Variants in MYMK observed in about 807,000 individuals in gnomAD.
MYMK encodes protein myomaker.
A neutral mutation model predicts 22.4 loss-of-function variants in MYMK; 16 were observed. That is an observed-to-expected ratio of 0.72 (90% confidence interval 0.48 to 1.09). The LOEUF (loss-of-function observed/expected upper bound fraction) is 1.09, where lower values mean the gene tolerates loss of function less well. MYMK is among the 50% of genes least tolerant of loss of function. MYMK has a pLI of 0.00. For synonymous variants in MYMK, 125 were observed against 127.0 expected (o/e 0.98, Z 0.11); for missense variants, 250 against 295.6 (o/e 0.85, Z 1.13).
chr9:133,520,282 G>A lies in MYMK; in HGVS notation c.142C>T (p.His48Tyr). Residue 48 changes from histidine (H) to tyrosine (Y), a missense_variant, in exon 2 of 5, where the codon CAT becomes TAT. Transcript: ENST00000339996. The part of the protein sequence containing the change: ...LFTLFFVALH[H>Y]ACNGPGLSVL... ...GACAAGCCGGGTCCATTGCAGGCATGGTGGAGCTGCCAGAAAACCCACAGG... is the reference window on the plus strand; with the variant it reads ...GACAAGCCGGGTCCATTGCAGGCATAGTGGAGCTGCCAGAAAACCCACAGG... 1 of 1,614,060 alleles carries A rather than the reference G, an allele frequency of 6.2e-7. No individual in the cohort carries two copies.
chr9:133,514,883 C>T (rs1844611438), intron 4 of MYMK, 98 bp from the exon 5 acceptor site: 2 of 1,374,120 alleles, frequency 1.5e-6, no homozygotes, highest in Non-Finnish European at 2.0e-6. Flanking sequence ...CCCGCCTCTG[C>T]CAGGGCACTG....
chr9:133,523,047 T>C (rs1402151167), intron 1 of MYMK, among the ~76,000 whole-genome samples: 1 of 152,148 alleles, frequency 6.6e-6, no homozygotes, highest in Non-Finnish European at 1.5e-5. Context: ...ACTCAGAAGC[T>C]CCAGGGCATC....
Position 133,515,754 on chromosome 9 carries a change from C to G in MYMK, c.400-147G>C, listed in dbSNP as rs1161023195. 6 of 606,916 alleles carry G rather than the reference C, an allele frequency of 9.9e-6. No homozygotes were observed. In the East Asian group the frequency reaches 1.7e-4, roughly 17 times the overall value. The allele number at this position is 606,916 out of a possible 1,614,324, so 37.6% of individuals were successfully genotyped here. A position where few individuals can be genotyped will look rare whatever the true frequency, so the allele number is the denominator to read the frequency against. On this transcript the variant is annotated intron_variant, in intron 3 of 4. Transcript: ENST00000339996. The surrounding 1 kb of genome is among the most constrained non-coding windows in gnomAD (Gnocchi z 5.8). ...GAGGCTCAGGAGCCTCCTGCCGCAC[C>G]CAGCCTCAGATGGCTTCTGCTGGAC...
chr9:133,518,610 G>C (rs1395345078), intron 3 of MYMK, among the ~76,000 whole-genome samples: 1 of 152,248 alleles, frequency 6.6e-6, no homozygotes, highest in African/African-American at 2.4e-5. Context: ...GACAACACCT[G>C]CTTTACAGGT....
intron 3 of MYMK, among the ~76,000 whole-genome samples, chr9:133,516,369 G>C (rs1279428480): frequency 1.3e-5 from 2 of 152,212 alleles, no homozygotes; most frequent in African/African-American, 4.8e-5. Flanking sequence ...TTGTTGGGGA[G>C]GAAGGAGGGA....
chr9:133,516,230 C>T (rs886535026), intron 3 of MYMK, among the ~76,000 whole-genome samples: 1 of 152,220 alleles, frequency 6.6e-6, no homozygotes, highest in Non-Finnish European at 1.5e-5. Context: ...TGGAGCCGGC[C>T]TTGTGTTTTC....
rs1844739359 is a variant in MYMK at position 133,524,767 on chromosome 9, G to T, written c.78C>A (p.Ala26=). The T allele has an allele frequency of 3.1e-6, 5 of 1,614,180 alleles. No homozygotes were observed. Among genetic ancestry groups the T allele is most frequent in the Non-Finnish European group, 4.2e-6 (5 of 1,180,028 alleles). ...LAFLPTVSIA[A]KRRFHMEAMV... ...TGGCCTCCATGTGGAACCGCCTCTT[G>T]GCCGCGATGCTGACAGTGGGGAGGA... Residue 26 remains alanine, a synonymous_variant, in exon 1 of 5, where the codon GCC becomes GCA. Transcript: ENST00000339996.
Position 133,515,446 on chromosome 9 carries a change from G to C in MYMK, c.516+45C>G, listed in dbSNP as rs529876750. The C allele has an allele frequency of 7.5e-7, 1 of 1,333,066 alleles. No homozygotes were observed. The highest frequency in any genetic ancestry group is 1.1e-6 in the Non-Finnish European group (1 of 928,570). The allele number at this position is 1,333,066 out of a possible 1,614,324, so 82.6% of individuals were successfully genotyped here. A position where few individuals can be genotyped will look rare whatever the true frequency, so the allele number is the denominator to read the frequency against. The stretch of plus-strand genomic sequence containing the variant: ...TATCCCAGCTGAGCAGAGCCATGCC[G>C]AGTGGGCTCTGGGGCACAGGACACC... On this transcript the variant is annotated intron_variant, in intron 4 of 4. Coordinates refer to ENST00000339996, the MANE Select transcript of MYMK (RefSeq NM_001080483.3). The surrounding 1 kb of genome is among the most constrained non-coding windows in gnomAD (Gnocchi z 5.8).
intron 2 of MYMK, among the ~76,000 whole-genome samples, chr9:133,519,613 A>C (rs1039127715): frequency 6.6e-6 from 1 of 152,192 alleles, no homozygotes; most frequent in Non-Finnish European, 1.5e-5. Context: ...ATCCCATAGG[A>C]TCACAGGACA....
intron 1 of MYMK, among the ~76,000 whole-genome samples, chr9:133,520,681 G>C (rs1238150706): frequency 1.3e-5 from 2 of 152,200 alleles, no homozygotes; most frequent in African/African-American, 4.8e-5. Flanking sequence ...CAGCATCTGT[G>C]CTTCCTTGAA....
rs1433743106 is a variant in MYMK, at chr9:133,520,206, C to T, written c.218G>A (p.Gly73Glu). Residue 73 changes from glycine to glutamate, a missense_variant, in exon 2 of 5, where the codon GGG (glycine) becomes GAG (glutamate). Coordinates refer to ENST00000339996, the MANE Select transcript of MYMK (RefSeq NM_001080483.3). ...CGAGACCCACATGCTCAGGGCTGTC[C>T]CGTAGACACTGAAATACTCCAGGAT... ...HDILEYFSVY[G>E]TALSMWVSLM... is the part of the protein sequence containing the mutation. The T allele has an allele frequency of 1.2e-6, 2 of 1,613,984 alleles. No homozygotes were observed. Among genetic ancestry groups the T allele is most frequent in the South Asian group, 1.1e-5 (1 of 91,072 alleles).
intron 1 of MYMK, among the ~76,000 whole-genome samples, chr9:133,521,313 C>T (rs930688778): frequency 6.6e-6 from 1 of 152,182 alleles, no homozygotes; most frequent in African/African-American, 2.4e-5. Context: ...GCTTGGGAAA[C>T]AGCACGGTGG....
At position 133,520,196 on chromosome 9, in the gene MYMK, C is replaced by A; in HGVS notation, c.228G>T (p.Leu76=). Residue 76 remains leucine (L), a synonymous_variant, in exon 2 of 5, where the codon CTG becomes CTT. Coordinates refer to ENST00000339996, the MANE Select transcript of MYMK (RefSeq NM_001080483.3). ...CACCCATCAGCGAGACCCACATGCT[C>A]AGGGCTGTCCCGTAGACACTGAAAT... ...LEYFSVYGTA[L]SMWVSLMALA... is the part of the protein sequence containing the mutation. The A allele has an allele frequency of 6.2e-7, 1 of 1,614,094 alleles. No homozygotes were observed. The highest frequency in any genetic ancestry group is 8.5e-7 in the Non-Finnish European group (1 of 1,179,996).
chr9:133,521,679 G>T (rs754081563), intron 1 of MYMK, among the ~76,000 whole-genome samples: 5 of 152,200 alleles, frequency 3.3e-5, no homozygotes, highest in Non-Finnish European at 5.9e-5. Context: ...CGGTGGACAT[G>T]ACTGTTTACC....
chr9:133,515,709 G>A lies in MYMK; in HGVS notation c.400-102C>T, dbSNP rs1844623315. ...GCTGGCCCTGCACAGGCTCACCCCA[G>A]CCCTCTCCCGGCAGGAGAGGAGGCT... On this transcript the variant is annotated intron_variant, in intron 3 of 4. Transcript: ENST00000339996. The surrounding 1 kb of genome is among the most constrained non-coding windows in gnomAD (Gnocchi z 5.8). 2.7e-6 allele frequency: 2 copies of A among 736,010 alleles called. No homozygotes were observed. The highest frequency in any genetic ancestry group is 2.3e-6 in the Non-Finnish European group (1 of 425,860). 45.6% of individuals were successfully genotyped at this position (736,010 alleles called of 1,614,324 possible). A position where few individuals can be genotyped will look rare whatever the true frequency, so the allele number is the denominator to read the frequency against.
Position 133,515,712 on chromosome 9 carries a change from C to T in MYMK, c.400-105G>A. The T allele has an allele frequency of 4.1e-6, 3 of 727,990 alleles. No individual in the cohort carries two copies. Among genetic ancestry groups the T allele is most frequent in the East Asian group, 5.1e-5 (2 of 39,508 alleles). 45.1% of individuals were successfully genotyped at this position (727,990 alleles called of 1,614,324 possible). On this transcript the variant is annotated intron_variant, in intron 3 of 4. Coordinates refer to ENST00000339996, the MANE Select transcript of MYMK (RefSeq NM_001080483.3). The surrounding 1 kb of genome is among the most constrained non-coding windows in gnomAD (Gnocchi z 5.8). ...GGCCCTGCACAGGCTCACCCCAGCCCTCTCCCGGCAGGAGAGGAGGCTCAG... is the reference window on the plus strand; with the variant it reads ...GGCCCTGCACAGGCTCACCCCAGCCTTCTCCCGGCAGGAGAGGAGGCTCAG...
chr9:133,515,189 TG>T lies in MYMK; in HGVS notation c.516+301del, dbSNP rs1844616851. On this transcript the variant is annotated intron_variant, in intron 4 of 4. Transcript: ENST00000339996. This position sits in a 1 kb window ranked among gnomAD's most constrained non-coding sequence, Gnocchi z 5.8. ...CTCCCTCCCTCCCTCCTCCAGGTGT[TG>T]GGCACCTGCCCCAGGCGTCTCCCAG... 6.6e-6 allele frequency among the ~76,000 whole-genome samples: 1 copy of T among 151,590 alleles called. No homozygotes were observed. The highest frequency in any genetic ancestry group is 1.5e-5 in the Non-Finnish European group (1 of 67,848).
rs1412243887 is a variant in MYMK, at chr9:133,515,634, G to A, written c.400-27C>T. ...TGTGAGGACAGGAGGCCACAGCAAA[G>A]CTTTTAGGTCACAGCACTGGGGAAC... On this transcript the variant is annotated intron_variant, in intron 3 of 4. Coordinates refer to ENST00000339996, the MANE Select transcript of MYMK (RefSeq NM_001080483.3). This position sits in a 1 kb window ranked among gnomAD's most constrained non-coding sequence, Gnocchi z 5.8. The A allele has an allele frequency of 8.6e-6, 13 of 1,510,714 alleles. No homozygotes were observed. In the East Asian group the frequency reaches 2.3e-4, roughly 26 times the overall value. The allele number at this position is 1,510,714 out of a possible 1,614,324, so 93.6% of individuals were successfully genotyped here.
intron 1 of MYMK, among the ~76,000 whole-genome samples, chr9:133,523,126 A>G (rs1844722251): frequency 6.6e-6 from 1 of 152,216 alleles, no homozygotes; most frequent in Non-Finnish European, 1.5e-5. Context: ...ACTGGAGGGA[A>G]TGCCTCGCTC....
Sources: allele counts gnomAD v4.1 joint callset (sites outside exome capture counted in the v4.1 genomes callset), GRCh38; gene constraint gnomAD v4.1.1; non-coding constraint Gnocchi (gnomAD v3.1); transcripts MANE v1.5; gene names NCBI Gene and HGNC (gene_info 2026-07-23, HGNC 2026-07-21).